The following MED24 variants were observed in gnomAD, a reference collection of about 807,000 sequenced individuals.
MED24 encodes the protein mediator complex subunit 24.
In MED24, 74 loss-of-function variants were observed where a neutral mutation model predicts 118.8. The observed-to-expected ratio is 0.62, with a 90% CI of 0.52 to 0.76. The LOEUF (loss-of-function observed/expected upper bound fraction) is 0.76. MED24 is among the 30% of genes least tolerant of loss of function. MED24 has a pLI of 0.00. For missense variants in MED24, 1,041 were observed against 1,278.9 expected, an observed-to-expected ratio of 0.81 and a Z score of 2.84; for synonymous variants, 521 against 523.9, an observed-to-expected ratio of 0.99 and a Z score of 0.08.
intron 23 of MED24, among the ~76,000 whole-genome samples, chr17:40,021,685 T>C (rs929750645): frequency 1.2e-4 from 10 of 86,116 alleles, no homozygotes; most frequent in Non-Finnish European, 1.9e-4. Context: ...AACCCTGGGG[T>C]AAGGGAGGGG....
At chr17:40,023,561 G>T (rs1191902751) in intron 19 of MED24, 166 bp from the exon 20 acceptor site, 1 of 633,320 alleles carries the variant, frequency 1.6e-6, no homozygotes, top group East Asian at 2.9e-5. Context: ...GGGTGACCTG[G>T]CCCCTGCTCT....
intron 4 of MED24, 36 bp downstream of exon 4, chr17:40,036,080 A>G: frequency 1.3e-6 from 2 of 1,596,360 alleles, no homozygotes; most frequent in Admixed American, 1.7e-5. Flanking sequence ...CTTGTCTGTC[A>G]TCCCCAATCT....
chr17:40,040,141 C>T (rs892560142), intron 3 of MED24, among the ~76,000 whole-genome samples: 30 of 147,552 alleles, frequency 2.0e-4, no homozygotes, highest in African/African-American at 6.8e-4. Flanking sequence ...TGCAGTGGCA[C>T]AATCTCGGCT....
chr17:40,029,613 A>T, intron 13 of MED24, 135 bp downstream of exon 13: 1 of 808,420 alleles, frequency 1.2e-6, no homozygotes, highest in Non-Finnish European at 1.9e-6. Context: ...CTCCCCTTTC[A>T]CTACCTCCAA....
Position 40,027,039 on chromosome 17 carries a change from G to A in MED24, c.1531-5C>T. ...GCGCGACTCGGACAGAATCACCTGGGAAAGGGGAAGGGGGGCACCAGCCGA... is the reference window on the plus strand; with the variant it reads ...GCGCGACTCGGACAGAATCACCTGGAAAAGGGGAAGGGGGGCACCAGCCGA... On this transcript the variant is annotated splice_region_variant and splice_polypyrimidine_tract_variant and intron_variant, in intron 16 of 25. Coordinates refer to ENST00000394128, the MANE Select transcript of MED24 (RefSeq NM_014815.4). 6.2e-7 allele frequency: 1 copy of A among 1,613,972 alleles called. No homozygotes were observed.
chr17:40,053,410 G>C, intron 2 of MED24, 30 bp from the exon 3 acceptor site: 2 of 1,613,436 alleles, frequency 1.2e-6, no homozygotes, highest in Non-Finnish European at 1.7e-6. Flanking sequence ...ACACAACTGA[G>C]TGATTACAAC....
Position 40,019,783 on chromosome 17 carries a change from A to C in MED24, c.2853+2T>G, listed in dbSNP as rs1981725691. 1 of 1,611,994 alleles carries C rather than the reference A, an allele frequency of 6.2e-7. No homozygotes were observed. ...CAGGAGAGCCGGGAAGGTGGTACTC[A>C]CGGTGGTGAAGGGCATGAACTGCAG... On this transcript the variant is annotated splice_donor_variant, in intron 25 of 25. Coordinates refer to ENST00000394128, the MANE Select transcript of MED24 (RefSeq NM_014815.4). LOFTEE classifies it high-confidence loss of function.
intron 4 of MED24, 99 bp from the exon 5 acceptor site, chr17:40,035,894 T>C: frequency 8.0e-7 from 1 of 1,247,952 alleles, no homozygotes; most frequent in Non-Finnish European, 1.1e-6. Flanking sequence ...TCCTCTCTCC[T>C]CCAACCCTGG....
At chr17:40,026,081 G>T in intron 19 of MED24, 75 bp downstream of exon 19, 1 of 1,464,476 alleles carries the variant, frequency 6.8e-7, no homozygotes, top group Non-Finnish European at 9.4e-7. Flanking sequence ...GAAAAGAGAG[G>T]GGTGCTTGTT....
Position 40,033,103 on chromosome 17 carries a change from C to T in MED24, c.775G>A (p.Glu259Lys), listed in dbSNP as rs1255567019. 3.7e-6 allele frequency: 6 copies of T among 1,614,120 alleles called. No individual in the cohort carries two copies. Among genetic ancestry groups the T allele is most frequent in the Non-Finnish European group, 3.4e-6 (4 of 1,180,036 alleles). Residue 259 changes from glutamate (E) to lysine (K), a missense_variant, in exon 8 of 26, where the codon GAG (glutamate) becomes AAG (lysine). Glu to Lys is a moderately conservative substitution (Grantham distance 56, BLOSUM62 1). Around this residue, in one of 3 missense-constraint regions of MED24, gnomAD observed 434 missense variants for 514.9 expected, o/e 0.84. Transcript: ENST00000394128. The surrounding 1 kb of genome is among the most constrained non-coding windows in gnomAD (Gnocchi z 5.2). ...LLEGTMNLTG[E>K]TQSLVEQLTM... ...AGCTGCTCCACCAGGGACTGCGTCT[C>T]GCCTGTCAGGTTCATGGTGCCCTCG...
chr17:40,045,776 C>T (rs1985106087), intron 3 of MED24, among the ~76,000 whole-genome samples: 1 of 152,126 alleles, frequency 6.6e-6, no homozygotes, highest in Non-Finnish European at 1.5e-5. Flanking sequence ...GATCCTGACT[C>T]TACACATTTT....
Position 40,019,861 on chromosome 17 carries a change from C to A in MED24, c.2777G>T (p.Trp926Leu). Residue 926 changes from tryptophan (W) to leucine (L), a missense_variant, in exon 25 of 26, where the codon TGG (tryptophan) becomes TTG (leucine). By Grantham distance (61) the Trp-to-Leu change is moderately conservative (BLOSUM62 -2). Transcript: ENST00000394128. ...TAGPHTQFVQ[W>L]FMEECVDCLE... The stretch of plus-strand genomic sequence containing the variant: ...GCAGTCCACACACTCCTCCATGAAC[C>A]ACTGCACGAACTGGGTGTGGGGGCC... 6.3e-7 allele frequency: 1 copy of A among 1,592,832 alleles called. No homozygotes were observed. The highest frequency in any genetic ancestry group is 2.3e-5 in the East Asian group (1 of 44,092).
At chr17:40,035,401 G>A in intron 5 of MED24, 52 bp from the exon 6 acceptor site, 1 of 1,504,126 alleles carries the variant, frequency 6.6e-7, no homozygotes, top group Non-Finnish European at 8.9e-7. Context: ...GCTGAAATCC[G>A]ACCCACATCA....
At chr17:40,031,490 GC>G (rs748283150) in intron 11 of MED24, 47 bp downstream of exon 11, 1 of 1,540,832 alleles carries the variant, frequency 6.5e-7, no homozygotes, top group Non-Finnish European at 9.0e-7. Flanking sequence ...CAGGGGAAGA[GC>G]CCAGAACGCC....
At position 40,047,430 on chromosome 17, in the gene MED24, G is replaced by A. The variant is rs563271521; in HGVS notation, c.213+5868C>T. Reference sequence around the variant, plus strand: ...TAATCCCAGCACTTTGGGAGGCTAAGGCAGGTGGATCACGAGGTCAGGAGT... The same window carrying A: ...TAATCCCAGCACTTTGGGAGGCTAAAGCAGGTGGATCACGAGGTCAGGAGT... On this transcript the variant is annotated intron_variant, in intron 3 of 25. Transcript: ENST00000394128. Among the ~76,000 whole-genome samples, 10 of 152,112 alleles carry A rather than the reference G, an allele frequency of 6.6e-5. No individual in the cohort carries two copies. In the South Asian group the frequency reaches 2.1e-3, roughly 32 times the overall value.
intron 24 of MED24, 25 bp downstream of exon 24, chr17:40,020,248 T>C (rs1439421702): frequency 4.7e-6 from 7 of 1,492,388 alleles, no homozygotes; most frequent in Non-Finnish European, 6.3e-6. Context: ...AGCCCCAGGT[T>C]CGGCAGCAGG....
At chr17:40,020,556 G>T in intron 23 of MED24, 1 of 1,202,190 alleles carries the variant, frequency 8.3e-7, no homozygotes, top group Non-Finnish European at 1.2e-6. Context: ...GGGAGGCCGA[G>T]GCAGGAGGAT....
rs973369496 is a variant in MED24 at position 40,032,932 on chromosome 17, C to T, written c.822+124G>A. 4 of 1,433,374 alleles carry T rather than the reference C, an allele frequency of 2.8e-6. No individual in the cohort carries two copies. In the Admixed American group the frequency reaches 6.1e-5, roughly 22 times the overall value. 88.8% of individuals were successfully genotyped at this position (1,433,374 alleles called of 1,614,324 possible). ...ATGACAGAAGTGTGCACGACTGGCA[C>T]CCACTTTCCATCATGGAGCAGGAGA... On this transcript the variant is annotated intron_variant, in intron 8 of 25. Coordinates refer to ENST00000394128, the MANE Select transcript of MED24 (RefSeq NM_014815.4).
intron 22 of MED24, 39 bp downstream of exon 22, chr17:40,022,355 T>C (rs767387725): frequency 2.2e-5 from 35 of 1,561,332 alleles, no homozygotes; most frequent in Non-Finnish European, 2.9e-5. Context: ...AACAAACCGG[T>C]GAACAAGTGA....
Sources: allele counts gnomAD v4.1 joint callset (sites outside exome capture counted in the v4.1 genomes callset), GRCh38; gene constraint gnomAD v4.1.1; regional missense constraint gnomAD v4.1.1; non-coding constraint Gnocchi (gnomAD v3.1); transcripts MANE v1.5; gene names NCBI Gene and HGNC (gene_info 2026-07-23, HGNC 2026-07-21).